Variants in PDE10A observed in about 807,000 individuals in gnomAD.
PDE10A encodes the protein phosphodiesterase 10A.
In PDE10A, 39 loss-of-function variants were observed where a neutral mutation model predicts 97.7. The ratio of observed to expected loss-of-function variants is 0.40; its 90% confidence interval spans 0.31 to 0.52. The LOEUF is 0.52. Ranked by LOEUF, PDE10A falls within the 20% of genes least tolerant of loss-of-function variation. The pLI, the probability that PDE10A is intolerant of heterozygous loss-of-function variation, is 0.56. For missense variants in PDE10A, 731 were observed against 1,047.8 expected (o/e 0.70, Z 4.17); for synonymous variants, 371 against 376.8 (o/e 0.98, Z 0.18).
intron 1 of PDE10A, among the ~76,000 whole-genome samples, chr6:165,596,347 G>T (rs1282772908): frequency 6.6e-6 from 1 of 152,164 alleles, no homozygotes. Context: ...TCGTCTCCCT[G>T]CGTCTGCCCT....
rs1444430256 is a variant in PDE10A at position 165,388,653 on chromosome 6, C to G, written c.2455-200G>C. ...AGATAATCTAACTCATTTGTAGGCC[C>G]TTTCTTTGTTTCTCTGCTTAGGAAT... On this transcript the variant is annotated intron_variant, in intron 16 of 21. Transcript: ENST00000539869. The surrounding 1 kb of genome is among the most constrained non-coding windows in gnomAD (Gnocchi z 4.0). 1.3e-5 allele frequency among the ~76,000 whole-genome samples: 2 copies of G among 152,108 alleles called. No individual in the cohort carries two copies. Among genetic ancestry groups the G allele is most frequent in the Admixed American group, 6.6e-5 (1 of 15,262 alleles).
intron 1 of PDE10A, among the ~76,000 whole-genome samples, chr6:165,601,218 T>C (rs991651779): frequency 6.6e-6 from 1 of 152,204 alleles, no homozygotes; most frequent in Non-Finnish European, 1.5e-5. Flanking sequence ...TTTCACCTCC[T>C]GCCATGATTC....
chr6:165,557,333 A>G (rs1784306643), intron 1 of PDE10A, among the ~76,000 whole-genome samples: 1 of 152,180 alleles, frequency 6.6e-6, no homozygotes, highest in Non-Finnish European at 1.5e-5. Flanking sequence ...ACCGATTCAT[A>G]ATTAATAACC....
intron 1 of PDE10A, among the ~76,000 whole-genome samples, chr6:165,638,820 C>CTA (rs1788997033): frequency 6.6e-6 from 1 of 152,108 alleles, no homozygotes; most frequent in Non-Finnish European, 1.5e-5. Context: ...AAGTTAACTA[C>CTA]TATACTAAGG....
chr6:165,542,914 A>G (rs932408144), intron 2 of PDE10A, among the ~76,000 whole-genome samples: 2 of 152,058 alleles, frequency 1.3e-5, no homozygotes, highest in Non-Finnish European at 2.9e-5. Flanking sequence ...CACTGCGCCC[A>G]GCCAATATAC....
chr6:165,435,243 G>A lies in PDE10A; in HGVS notation c.1329C>T (p.Ile443=), dbSNP rs751285984. The A allele has an allele frequency of 6.2e-7, 1 of 1,613,184 alleles. No homozygotes were observed. The highest frequency in any genetic ancestry group is 8.5e-7 in the Non-Finnish European group (1 of 1,179,556). Reference sequence around the variant, plus strand: ...GAATCAAAAAGCCACTTACTCCAAGGATGTCTTCTACTAGCAGTGTTTTCC... The same window carrying A: ...GAATCAAAAAGCCACTTACTCCAAGAATGTCTTCTACTAGCAGTGTTTTCC... The part of the protein sequence containing the change: ...KSRKTLLVED[I]LGDERFPRGT... The change falls in exon 6 of 22, where the codon ATC becomes ATT. Residue 443 remains isoleucine, a synonymous_variant. Coordinates refer to ENST00000539869, the MANE Select transcript of PDE10A (RefSeq NM_001385079.1).
intron 1 of PDE10A, among the ~76,000 whole-genome samples, chr6:165,691,197 CT>C (rs1791283122): frequency 1.6e-5 from 1 of 61,152 alleles, no homozygotes; most frequent in East Asian, 3.5e-4. Context: ...CCCTCTCTCT[CT>C]CTCCCCACAC....
chr6:165,966,279 C>A (rs767118050), intron 1 of PDE10A, among the ~76,000 whole-genome samples: 1 of 152,156 alleles, frequency 6.6e-6, no homozygotes, highest in African/African-American at 2.4e-5. Flanking sequence ...AGGCTGTAGA[C>A]CCCTTGTTTC....
intron 13 of PDE10A, among the ~76,000 whole-genome samples, chr6:165,403,796 T>C (rs1327802462): frequency 1.3e-5 from 2 of 152,166 alleles, no homozygotes; most frequent in Non-Finnish European, 2.9e-5. Context: ...ATCTACTTTT[T>C]AGCTCCCATA....
At chr6:165,553,185 T>A (rs1043744474) in intron 1 of PDE10A, among the ~76,000 whole-genome samples, 2 of 152,204 alleles carry the variant, frequency 1.3e-5, no homozygotes, top group Non-Finnish European at 2.9e-5. Flanking sequence ...TCTAACCACT[T>A]ACTGATTAAG....
intron 1 of PDE10A, among the ~76,000 whole-genome samples, chr6:165,567,621 G>C (rs1428762635): frequency 6.6e-6 from 1 of 151,872 alleles, no homozygotes; most frequent in Non-Finnish European, 1.5e-5. Context: ...TACTTAACAG[G>C]CTCAGTAACC....
intron 1 of PDE10A, among the ~76,000 whole-genome samples, chr6:165,839,877 A>AT (rs1562762504): frequency 4.2e-5 from 2 of 47,414 alleles, no homozygotes; most frequent in Non-Finnish European, 4.2e-5. Flanking sequence ...TCCCATCTGC[A>AT]CCTCTGTCTC....
chr6:165,404,605 A>G (rs995588343), intron 13 of PDE10A, among the ~76,000 whole-genome samples: 1 of 152,136 alleles, frequency 6.6e-6, no homozygotes. Context: ...ATATCTGAGC[A>G]TGAGGGTCTC....
At chr6:165,423,459 G>C (rs557766749) in intron 10 of PDE10A, among the ~76,000 whole-genome samples, 2 of 152,170 alleles carry the variant, frequency 1.3e-5, no homozygotes, top group Non-Finnish European at 2.9e-5. Context: ...AGACGCTGCA[G>C]GTCTGCGGTG....
chr6:165,328,006 T>A lies in PDE10A; in HGVS notation c.*5019A>T, dbSNP rs1238689121. The A allele has an allele frequency of 6.6e-6, 1 of 152,218 alleles. No individual in the cohort carries two copies. Among genetic ancestry groups the A allele is most frequent in the Non-Finnish European group, 1.5e-5 (1 of 68,042 alleles). The allele number at this position is 152,218 out of a possible 1,614,324, so 9.4% of individuals were successfully genotyped here. On this transcript the variant is annotated 3_prime_UTR_variant, in exon 22 of 22. Coordinates refer to ENST00000539869, the MANE Select transcript of PDE10A (RefSeq NM_001385079.1). ...TTCATGTAAAGAAAACCATCTTGTC[T>A]TCTCAGAAAGAATGAAGATGCTGCA...
intron 1 of PDE10A, among the ~76,000 whole-genome samples, chr6:165,670,353 G>C (rs1219188313): frequency 1.3e-5 from 2 of 152,084 alleles, no homozygotes; most frequent in African/African-American, 4.8e-5. Flanking sequence ...GGAAACAAAG[G>C]GTGGCTTTAA....
intron 3 of PDE10A, among the ~76,000 whole-genome samples, chr6:165,479,859 A>G (rs6927007): frequency 0.085 from 12,957 of 152,240 alleles, 703 homozygotes; most frequent in East Asian, 0.25. Context: ...AGAGACATAA[A>G]ACCTACAGGT....
chr6:165,772,332 C>G (rs1778034681), intron 1 of PDE10A, among the ~76,000 whole-genome samples: 2 of 152,148 alleles, frequency 1.3e-5, no homozygotes, highest in African/African-American at 4.8e-5. Context: ...GAGAGTAAAG[C>G]CCTAAATTCT....
intron 1 of PDE10A, among the ~76,000 whole-genome samples, chr6:165,633,414 C>G (rs918815357): frequency 6.6e-6 from 1 of 152,086 alleles, no homozygotes; most frequent in Non-Finnish European, 1.5e-5. Flanking sequence ...TTTACCTATA[C>G]ATTAACTTTT....
Sources: gnomAD v4.1 joint callset for allele counts (sites outside exome capture counted in the v4.1 genomes callset) on GRCh38, gnomAD v4.1.1 for gene constraint, Gnocchi (gnomAD v3.1) non-coding constraint, MANE v1.5 for transcripts, NCBI Gene and HGNC (gene_info 2026-07-23, HGNC 2026-07-21) for gene names.